FMN1: variants seen among roughly 807,000 people sequenced by gnomAD.
FMN1 encodes the protein formin-1.
A neutral mutation model predicts 132.4 loss-of-function variants in FMN1; 110 were observed. The ratio of observed to expected loss-of-function variants is 0.83; its 90% CI spans 0.71 to 0.97. FMN1 has a LOEUF of 0.97. FMN1 is among the 50% of genes least tolerant of loss of function. The pLI is 0.00. For synonymous variants in FMN1, 722 were observed against 651.7 expected (o/e 1.11, Z -1.64); for missense variants, 1,792 against 1,705.3 (o/e 1.05, Z -0.90).
At chr15:32,844,662 A>G (rs1258782) in intron 17 of FMN1, among the ~76,000 whole-genome samples, 35,658 of 152,088 alleles carry the variant, frequency 0.23, 4,493 homozygotes, top group East Asian at 0.44. Context: ...TATTTTTAGA[A>G]GAGATGAAAA....
intron 19 of FMN1, among the ~76,000 whole-genome samples, chr15:32,794,717 T>C (rs906723781): frequency 1.3e-5 from 2 of 152,236 alleles, no homozygotes; most frequent in African/African-American, 2.4e-5. Flanking sequence ...CAAAAATTCA[T>C]TGAATGTTTG....
intron 17 of FMN1, among the ~76,000 whole-genome samples, chr15:32,833,124 T>C (rs1011666018): frequency 1.3e-5 from 2 of 152,180 alleles, no homozygotes; most frequent in African/African-American, 4.8e-5. Context: ...CACTGCATGC[T>C]AGCTTTCTAA....
intron 4 of FMN1, chr15:33,150,110 A>C (rs1435369133): frequency 2.0e-6 from 2 of 985,358 alleles, no homozygotes; most frequent in African/African-American, 1.7e-5. Flanking sequence ...ACTCAAGAGC[A>C]TACTAAAGAT....
At chr15:33,093,593 A>C (rs1357791072) in intron 4 of FMN1, among the ~76,000 whole-genome samples, 2 of 152,230 alleles carry the variant, frequency 1.3e-5, no homozygotes, top group African/African-American at 4.8e-5. Flanking sequence ...GTTAAATGAC[A>C]CAATGTCACC....
chr15:32,824,056 C>A (rs2058304689), intron 17 of FMN1, among the ~76,000 whole-genome samples: 1 of 152,196 alleles, frequency 6.6e-6, no homozygotes, highest in South Asian at 2.1e-4. Flanking sequence ...GGAAGCCACA[C>A]ACAGTTGAAA....
chr15:33,029,940 G>C (rs1357888632), intron 6 of FMN1, among the ~76,000 whole-genome samples: 1 of 152,202 alleles, frequency 6.6e-6, no homozygotes, highest in Non-Finnish European at 1.5e-5. Context: ...GGCAGATCAT[G>C]AGGTCAAGAG....
At chr15:32,937,901 G>A (rs999144540) in intron 9 of FMN1, among the ~76,000 whole-genome samples, 1 of 152,152 alleles carries the variant, frequency 6.6e-6, no homozygotes, top group African/African-American at 2.4e-5. Context: ...ACAAATGGAG[G>A]ACAATAACAC....
chr15:32,894,120 A>G (rs2141541163), intron 15 of FMN1, among the ~76,000 whole-genome samples: 1 of 152,256 alleles, frequency 6.6e-6, no homozygotes, highest in East Asian at 1.9e-4. Flanking sequence ...GCCACTTATT[A>G]CACGTTTGTG....
At chr15:32,839,218 C>G (rs574587341) in intron 17 of FMN1, among the ~76,000 whole-genome samples, 1 of 152,236 alleles carries the variant, frequency 6.6e-6, no homozygotes, top group South Asian at 2.1e-4. Flanking sequence ...GCTTTCTGCA[C>G]CCTGCCCACC....
At chr15:32,812,967 C>G (rs1214368744) in intron 17 of FMN1, among the ~76,000 whole-genome samples, 1 of 141,512 alleles carries the variant, frequency 7.1e-6, no homozygotes, top group East Asian at 2.0e-4. Context: ...ATGGATTCCA[C>G]CAACTGCAGA....
At chr15:33,043,505 A>T (rs1226385441) in intron 6 of FMN1, among the ~76,000 whole-genome samples, 5 of 152,322 alleles carry the variant, frequency 3.3e-5, no homozygotes, top group African/African-American at 1.2e-4. Flanking sequence ...GAATCTCTCT[A>T]AATCTGCTGT....
chr15:33,163,572 G>C (rs1431290913), intron 3 of FMN1, among the ~76,000 whole-genome samples: 1 of 149,870 alleles, frequency 6.7e-6, no homozygotes, highest in Non-Finnish European at 1.5e-5. Flanking sequence ...GGGATTACAG[G>C]CGTGAGCTAC....
chr15:33,067,434 CAG>C lies in FMN1; in HGVS notation c.2044-2362_2044-2361del, dbSNP rs767021652. 4 of 1,613,930 alleles carry C rather than the reference CAG, an allele frequency of 2.5e-6. No homozygotes were observed. The South Asian group carries it at 3.3e-5, about 13-fold the overall frequency. ...TCCTCTGGCTCCTGGCCACCATCAT[CAG>C]AGTCAGAATCACTGGTGGTGTGCAC... On this transcript the variant is annotated intron_variant, in intron 5 of 20. Coordinates refer to ENST00000616417, the MANE Select transcript of FMN1 (RefSeq NM_001277313.2).
chr15:33,092,650 G>T (rs774975927), intron 4 of FMN1, among the ~76,000 whole-genome samples: 5 of 152,082 alleles, frequency 3.3e-5, no homozygotes, highest in African/African-American at 1.2e-4. Context: ...AGGCCCAATC[G>T]AGTGAACCTT....
intron 13 of FMN1, 95 bp from the exon 14 acceptor site, chr15:32,900,220 C>T (rs752232053): frequency 2.2e-5 from 30 of 1,357,142 alleles, no homozygotes; most frequent in South Asian, 7.1e-5. Flanking sequence ...AATAGGCTGT[C>T]GGGAGGCTTG....
At chr15:32,920,359 A>G (rs1232111064) in intron 10 of FMN1, among the ~76,000 whole-genome samples, 1 of 152,158 alleles carries the variant, frequency 6.6e-6, no homozygotes, top group African/African-American at 2.4e-5. Context: ...GACCAAATGC[A>G]AGTGCTTTTG....
At chr15:33,067,295 T>C in intron 5 of FMN1, 2 of 1,613,916 alleles carry the variant, frequency 1.2e-6, no homozygotes, top group Middle Eastern at 1.6e-4. Context: ...CTCTGCACCA[T>C]TCATTTCCCC....
chr15:32,996,762 G>A (rs2033795870), intron 7 of FMN1, among the ~76,000 whole-genome samples: 1 of 152,114 alleles, frequency 6.6e-6, no homozygotes, highest in African/African-American at 2.4e-5. Flanking sequence ...TTCACACTAT[G>A]AATTCCAAAG....
At chr15:33,049,213 G>A (rs547766757) in intron 6 of FMN1, among the ~76,000 whole-genome samples, 106 of 152,148 alleles carry the variant, frequency 7.0e-4, no homozygotes, top group African/African-American at 2.4e-3. Context: ...AACCAGAAAG[G>A]GGGAATTTTT....
Sources: allele counts gnomAD v4.1 joint callset (sites outside exome capture counted in the v4.1 genomes callset), GRCh38; gene constraint gnomAD v4.1.1; transcripts MANE v1.5; gene names NCBI Gene and HGNC (gene_info 2026-07-23, HGNC 2026-07-21).